MCCC2: variants seen among roughly 807,000 people sequenced by gnomAD.
MCCC2 encodes methylcrotonyl-CoA carboxylase subunit 2.
Under a neutral mutation model 77.2 loss-of-function variants are expected in MCCC2, and 52 were observed. That is an observed-to-expected ratio of 0.67 (90% confidence interval 0.54 to 0.85). The LOEUF is 0.85. Among genes scored for constraint, MCCC2 ranks in the 40% least tolerant of loss-of-function variants. MCCC2 has a pLI of 0.00. For synonymous variants in MCCC2, 253 were observed against 248.4 expected, an observed-to-expected ratio of 1.02 and a Z score of -0.18; for missense variants, 682 against 703.2, an observed-to-expected ratio of 0.97 and a Z score of 0.34.
intron 1 of MCCC2, among the ~76,000 whole-genome samples, chr5:71,591,528 C>T (rs1200440305): frequency 6.6e-6 from 1 of 151,422 alleles, no homozygotes; most frequent in Non-Finnish European, 1.5e-5. Flanking sequence ...CCTCCGCCTC[C>T]CGGGTTCGAG....
intron 13 of MCCC2, among the ~76,000 whole-genome samples, chr5:71,647,198 A>G (rs571368146): frequency 1.3e-5 from 2 of 152,296 alleles, no homozygotes; most frequent in African/African-American, 2.4e-5. Flanking sequence ...CTCAGCTTCA[A>G]AGGAAGGAGA....
At chr5:71,615,551 C>T (rs1036742181) in intron 6 of MCCC2, among the ~76,000 whole-genome samples, 8 of 152,192 alleles carry the variant, frequency 5.3e-5, no homozygotes, top group East Asian at 1.9e-4. Flanking sequence ...TTTTGAACCT[C>T]GGGGGTTCTG....
At chr5:71,623,040 A>G (rs540543839) in intron 6 of MCCC2, among the ~76,000 whole-genome samples, 31 of 152,350 alleles carry the variant, frequency 2.0e-4, no homozygotes, top group Admixed American at 1.0e-3. Flanking sequence ...AAAGTTCTAC[A>G]TATTGTCTGC....
At chr5:71,605,339 C>T (rs1299562894) in intron 6 of MCCC2, among the ~76,000 whole-genome samples, 60 of 151,214 alleles carry the variant, frequency 4.0e-4, no homozygotes, top group African/African-American at 1.2e-3. Flanking sequence ...CCAGTGATGA[C>T]GAGCATTTTT....
At chr5:71,615,418 C>A (rs751178694) in intron 6 of MCCC2, among the ~76,000 whole-genome samples, 2 of 152,078 alleles carry the variant, frequency 1.3e-5, no homozygotes, top group African/African-American at 2.4e-5. Context: ...TCGTGAAATT[C>A]TCCTTATGCT....
chr5:71,604,404 A>G lies in MCCC2; in HGVS notation c.560A>G (p.Asp187Gly). The G allele has an allele frequency of 6.2e-7, 1 of 1,614,148 alleles. No individual in the cohort carries two copies. Among genetic ancestry groups the G allele is most frequent in the East Asian group, 2.2e-5 (1 of 44,870 alleles). Residue 187 changes from aspartate (D) to glycine (G), a missense_variant, in exon 6 of 17, where the codon GAT becomes GGT. Physicochemically the swap from Asp to Gly is moderately conservative, Grantham distance 94 (BLOSUM62 -1). Coordinates refer to ENST00000340941, the MANE Select transcript of MCCC2 (RefSeq NM_022132.5). ...YLPRQADVFPDRDHFGRTFYN... is the reference protein window; with the variant it reads ...YLPRQADVFPGRDHFGRTFYN... Reference sequence around the variant, plus strand: ...CCTCGACAAGCAGATGTGTTTCCAGATCGAGACCACTTTGGCCGTACATTC... The same window carrying G: ...CCTCGACAAGCAGATGTGTTTCCAGGTCGAGACCACTTTGGCCGTACATTC...
intron 5 of MCCC2, 48 bp from the exon 6 acceptor site, chr5:71,604,308 C>T: frequency 6.7e-7 from 1 of 1,483,106 alleles, no homozygotes; most frequent in Non-Finnish European, 9.4e-7. Context: ...CTCTGCGTAG[C>T]ACATTTAGTT....
chr5:71,654,763 G>A (rs6871151), intron 16 of MCCC2, among the ~76,000 whole-genome samples: 3,101 of 151,598 alleles, frequency 0.02, 119 homozygotes, highest in African/African-American at 0.071. Context: ...CAAGGCAGAA[G>A]AGTAAATGGC....
chr5:71,596,433 A>T, intron 3 of MCCC2, 69 bp downstream of exon 3: 2 of 1,335,824 alleles, frequency 1.5e-6, no homozygotes, highest in Non-Finnish European at 2.2e-6. Flanking sequence ...ACAGTCTTGT[A>T]AATCAGTTAT....
intron 16 of MCCC2, 101 bp downstream of exon 16, chr5:71,652,855 G>A: frequency 1.0e-6 from 1 of 990,346 alleles, no homozygotes. Context: ...AGCATTCATA[G>A]GAACTGGAAA....
intron 8 of MCCC2, among the ~76,000 whole-genome samples, 185 bp from the exon 9 acceptor site, chr5:71,634,758 T>C (rs1236775859): frequency 6.6e-6 from 1 of 152,196 alleles, no homozygotes; most frequent in East Asian, 1.9e-4. Context: ...ACAAAGGGAA[T>C]ACAGTTTTGC....
At chr5:71,617,603 T>G (rs982842963) in intron 6 of MCCC2, among the ~76,000 whole-genome samples, 7 of 152,238 alleles carry the variant, frequency 4.6e-5, no homozygotes, top group Admixed American at 1.3e-4. Flanking sequence ...TGTTGTTTAT[T>G]TAAGACTTTG....
In MCCC2 at chr5:71,592,840, T is replaced by G. The variant is rs1004696337; in HGVS notation, c.130-86T>G. 1.6e-4 allele frequency: 105 copies of G among 661,190 alleles called. No individual in the cohort carries two copies. In the African/African-American group the frequency reaches 1.8e-3, roughly 11 times the overall value. The allele number at this position is 661,190 out of a possible 1,614,324, so 41.0% of individuals were successfully genotyped here. On this transcript the variant is annotated intron_variant, in intron 1 of 16. Coordinates refer to ENST00000340941, the MANE Select transcript of MCCC2 (RefSeq NM_022132.5). ...ACACAGAGTTGGCACAGACCACTGTTTTTTTTTTTTTTTTGACCTTTATTT... is the reference window on the plus strand; with the variant it reads ...ACACAGAGTTGGCACAGACCACTGTGTTTTTTTTTTTTTTGACCTTTATTT...
chr5:71,601,011 C>A (rs1038557738), intron 4 of MCCC2, among the ~76,000 whole-genome samples: 1 of 152,176 alleles, frequency 6.6e-6, no homozygotes, highest in Admixed American at 6.5e-5. Context: ...CCTGTGCCCC[C>A]CTTTAAGGCA....
intron 7 of MCCC2, among the ~76,000 whole-genome samples, chr5:71,629,809 G>A (rs1247175601): frequency 6.6e-6 from 1 of 151,518 alleles, no homozygotes; most frequent in Non-Finnish European, 1.5e-5. Flanking sequence ...GCTGTCATTT[G>A]TTAATGAGAG....
Position 71,626,748 on chromosome 5 carries a change from C to T in MCCC2, c.733C>T (p.Pro245Ser), listed in dbSNP as rs768684898. 11 of 1,613,712 alleles carry T rather than the reference C, an allele frequency of 6.8e-6. No homozygotes were observed. In the South Asian group the frequency reaches 8.8e-5, roughly 13 times the overall value. ...KQGTIFLAGP[P>S]LVKAATGEEV... ...GGGTACCATTTTCTTGGCAGGACCC[C>T]CCTTGGTAAGAACATAAGAACGTTG... is the stretch of plus-strand genomic sequence containing the variant. Residue 245 changes from proline (P) to serine (S), a missense_variant, in exon 7 of 17, where the codon CCC (proline) becomes TCC (serine). Transcript: ENST00000340941.
At chr5:71,610,558 G>A (rs181740939) in intron 6 of MCCC2, among the ~76,000 whole-genome samples, 24 of 152,286 alleles carry the variant, frequency 1.6e-4, no homozygotes, top group African/African-American at 4.1e-4. Flanking sequence ...GCTGTAGACC[G>A]GAGCTGTTCC....
chr5:71,651,689 ATTGAGG>A (rs1747442025), intron 15 of MCCC2, among the ~76,000 whole-genome samples: 1 of 152,184 alleles, frequency 6.6e-6, no homozygotes, highest in Non-Finnish European at 1.5e-5. Context: ...GGAGACTTAC[ATTGAGG>A]TTTCAGATTC....
chr5:71,645,506 G>A lies in MCCC2; in HGVS notation c.1150-705G>A, dbSNP rs538913459. ...TAATCTAAAATCCCATTTATCTGGG[G>A]AATGTTGGCAAGGATGATATATTTA... On this transcript the variant is annotated intron_variant, in intron 12 of 16. Transcript: ENST00000340941. Among the ~76,000 whole-genome samples, 6 of 152,268 alleles carry A rather than the reference G, an allele frequency of 3.9e-5. No homozygotes were observed. In the South Asian group the frequency reaches 1.0e-3, roughly 26 times the overall value.
Sources: gnomAD v4.1 joint callset for allele counts (sites outside exome capture counted in the v4.1 genomes callset) on GRCh38, gnomAD v4.1.1 for gene constraint, MANE v1.5 for transcripts, NCBI Gene and HGNC (gene_info 2026-07-23, HGNC 2026-07-21) for gene names.